DMRT1: variants seen among roughly 807,000 people sequenced by gnomAD.
The protein encoded by DMRT1 is doublesex- and mab-3-related transcription factor 1.
In DMRT1, 7 loss-of-function variants were observed where a neutral mutation model predicts 32.3. That is an observed-to-expected ratio of 0.22 (90% CI 0.12 to 0.41). The LOEUF (loss-of-function observed/expected upper bound fraction) is 0.41, where lower values mean the gene tolerates loss of function less well. Ranked by LOEUF, DMRT1 falls within the 10% of genes least tolerant of loss-of-function variation. The pLI is 1.00. For missense variants in DMRT1, 625 were observed against 500.5 expected, an observed-to-expected ratio of 1.25 and a Z score of -2.37; for synonymous variants, 278 against 206.1, an observed-to-expected ratio of 1.35 and a Z score of -2.99.
In DMRT1 at chr9:927,797, G is replaced by A. The variant is rs529055834; in HGVS notation, c.967+10890G>A. 1.3e-4 allele frequency among the ~76,000 whole-genome samples: 20 copies of A among 152,298 alleles called. No individual in the cohort carries two copies. The South Asian group carries it at 2.3e-3, about 17-fold the overall frequency. On this transcript the variant is annotated intron_variant, in intron 4 of 4. Transcript: ENST00000382276. The stretch of plus-strand genomic sequence containing the variant: ...TCTTTGGGGGGAACTAGAGTAGATG[G>A]TTATTTCAGTTTAGAAGCAGCTTTG...
chr9:856,315 T>G (rs1257240356), intron 2 of DMRT1, among the ~76,000 whole-genome samples: 1 of 152,204 alleles, frequency 6.6e-6, no homozygotes, highest in East Asian at 1.9e-4. Context: ...AGTGTACAAT[T>G]CAGTGTTTTT....
At chr9:909,349 T>G (rs1317050973) in intron 3 of DMRT1, among the ~76,000 whole-genome samples, 1 of 152,150 alleles carries the variant, frequency 6.6e-6, no homozygotes, top group Non-Finnish European at 1.5e-5. Flanking sequence ...TATGGAATGC[T>G]GAAAAATGAA....
chr9:948,510 A>G (rs1030732024), intron 4 of DMRT1, among the ~76,000 whole-genome samples: 3 of 152,072 alleles, frequency 2.0e-5, no homozygotes, highest in East Asian at 1.9e-4. Context: ...GGAAGTCAGT[A>G]TCCTCTCCAC....
intron 2 of DMRT1, among the ~76,000 whole-genome samples, chr9:867,570 G>A (rs1195800206): frequency 6.6e-6 from 1 of 152,200 alleles, no homozygotes; most frequent in African/African-American, 2.4e-5. Context: ...TAAATAGGAA[G>A]TATGTTTTTC....
intron 4 of DMRT1, among the ~76,000 whole-genome samples, chr9:947,802 C>T (rs902485762): frequency 3.9e-5 from 6 of 152,182 alleles, no homozygotes; most frequent in African/African-American, 1.4e-4. Context: ...AAGACAAATA[C>T]TGTCTGAAGT....
At chr9:872,567 A>G (rs7026859) in intron 2 of DMRT1, among the ~76,000 whole-genome samples, 29 of 152,146 alleles carry the variant, frequency 1.9e-4, no homozygotes, top group African/African-American at 7.0e-4. Context: ...ATGTAAATGG[A>G]ATCATACACT....
At chr9:915,164 A>G (rs1818129487) in intron 3 of DMRT1, among the ~76,000 whole-genome samples, 4 of 152,216 alleles carry the variant, frequency 2.6e-5, no homozygotes, top group Admixed American at 2.6e-4. Context: ...AGCGAGTACC[A>G]TCTAAATTTA....
intron 4 of DMRT1, among the ~76,000 whole-genome samples, chr9:960,261 G>A (rs1319643721): frequency 6.6e-6 from 1 of 152,238 alleles, no homozygotes; most frequent in Non-Finnish European, 1.5e-5. Flanking sequence ...TGTAAAGAGG[G>A]ATGAAGAAAG....
At chr9:894,257 A>G in intron 3 of DMRT1, 62 bp downstream of exon 3, 10 of 1,545,070 alleles carry the variant, frequency 6.5e-6, no homozygotes, top group Admixed American at 1.7e-5. Flanking sequence ...ATGTGCACAC[A>G]CATGCACATA....
chr9:935,077 G>C (rs1052793871), intron 4 of DMRT1, among the ~76,000 whole-genome samples: 2 of 152,206 alleles, frequency 1.3e-5, no homozygotes, highest in Non-Finnish European at 2.9e-5. Context: ...GAGAATAGTA[G>C]TGCATTTAAA....
At chr9:967,076 T>G (rs933626940) in intron 4 of DMRT1, among the ~76,000 whole-genome samples, 1 of 152,232 alleles carries the variant, frequency 6.6e-6, no homozygotes, top group Non-Finnish European at 1.5e-5. Flanking sequence ...CCCGGCAGAA[T>G]CCTGAGGCTG....
rs557445275 is a variant in DMRT1, at chr9:917,321, G to A, written c.967+414G>A. Among the ~76,000 whole-genome samples the A allele has an allele frequency of 9.9e-5, 15 of 152,166 alleles. 1 individual carries two copies. The South Asian group carries it at 1.0e-3, about 11-fold the overall frequency. On this transcript the variant is annotated intron_variant, in intron 4 of 4. Transcript: ENST00000382276. ...TTGAAGGCGTATTCATCTTTTTGGC[G>A]AAAACAACATAATAAAACATTTTTG...
intron 2 of DMRT1, among the ~76,000 whole-genome samples, chr9:863,129 A>G (rs1477687043): frequency 7.2e-6 from 1 of 138,082 alleles, no homozygotes; most frequent in East Asian, 2.1e-4. Context: ...AGCCTGGGCA[A>G]CAGCGAGATC....
In DMRT1 at chr9:867,941, G is replaced by A. The variant is rs573979357; in HGVS notation, c.538+20798G>A. On this transcript the variant is annotated intron_variant, in intron 2 of 4. Coordinates refer to ENST00000382276, the MANE Select transcript of DMRT1 (RefSeq NM_021951.3). ...CTATATGCTTTTAGTCATCTTTGTG[G>A]TTATATAGTGATATGTACAATCTCA... Among the ~76,000 whole-genome samples the A allele has an allele frequency of 3.9e-5, 6 of 152,148 alleles. No individual in the cohort carries two copies. The South Asian group carries it at 8.3e-4, about 21-fold the overall frequency.
At chr9:870,294 G>C (rs1353261604) in intron 2 of DMRT1, among the ~76,000 whole-genome samples, 2 of 152,164 alleles carry the variant, frequency 1.3e-5, no homozygotes, top group East Asian at 3.8e-4. Context: ...AGCTACTCGG[G>C]AGGCTGAGGC....
Position 841,712 on chromosome 9 carries a change from C to G in DMRT1, c.-127C>G. 1 of 1,536,900 alleles carries G rather than the reference C, an allele frequency of 6.5e-7. No homozygotes were observed. Among genetic ancestry groups the G allele is most frequent in the East Asian group, 2.4e-5 (1 of 40,860 alleles). On this transcript the variant is annotated 5_prime_UTR_variant, in exon 1 of 5. Transcript: ENST00000382276. ...AGACCTCGCCACTCCAGCTGCGCCT[C>G]CGGCTGCAGCGCACACGTCTCCTGC... is the stretch of plus-strand genomic sequence containing the variant.
intron 4 of DMRT1, among the ~76,000 whole-genome samples, chr9:930,610 A>T (rs547675998): frequency 1.3e-5 from 2 of 151,902 alleles, no homozygotes; most frequent in African/African-American, 2.4e-5. Context: ...GGGTTTCACC[A>T]TGTTAGCCAG....
intron 4 of DMRT1, among the ~76,000 whole-genome samples, chr9:963,327 C>G (rs78032091): frequency 6.6e-6 from 1 of 152,140 alleles, no homozygotes; most frequent in Non-Finnish European, 1.5e-5. Flanking sequence ...TATGGTGTTA[C>G]GGAAAACACA....
At chr9:888,552 G>A (rs913514151) in intron 2 of DMRT1, among the ~76,000 whole-genome samples, 3 of 152,042 alleles carry the variant, frequency 2.0e-5, no homozygotes, top group Non-Finnish European at 2.9e-5. Flanking sequence ...CTTGTACCTC[G>A]GCCTCCCAAA....
Sources: allele counts gnomAD v4.1 joint callset (sites outside exome capture counted in the v4.1 genomes callset), GRCh38; gene constraint gnomAD v4.1.1; transcripts MANE v1.5; gene names NCBI Gene and HGNC (gene_info 2026-07-23, HGNC 2026-07-21).